Variants in SORCS3 observed in about 807,000 individuals in gnomAD.
SORCS3 encodes the protein VPS10 domain-containing receptor SorCS3.
SORCS3 carries 57 observed loss-of-function variants against 146.3 expected under a neutral mutation model. The observed-to-expected ratio is 0.39, with a 90% confidence interval of 0.31 to 0.49. The LOEUF is 0.49. SORCS3 is among the 20% of genes least tolerant of loss of function. SORCS3 has a pLI of 0.92. For missense variants in SORCS3, 1,341 were observed against 1,575.5 expected (o/e 0.85, Z 2.52); for synonymous variants, 653 against 618.5 (o/e 1.06, Z -0.83).
chr10:104,914,048 C>T (rs540956792), intron 2 of SORCS3, among the ~76,000 whole-genome samples: 20 of 152,140 alleles, frequency 1.3e-4, no homozygotes, highest in East Asian at 7.7e-4. Flanking sequence ...GGATTACAGG[C>T]GTGCGTCACC....
intron 2 of SORCS3, among the ~76,000 whole-genome samples, chr10:104,849,892 A>G (rs1321387335): frequency 1.3e-5 from 2 of 152,130 alleles, no homozygotes; most frequent in Non-Finnish European, 2.9e-5. Flanking sequence ...CTTGAGAGAG[A>G]ATATTCCTGT....
At chr10:104,719,458 T>A (rs2016518142) in intron 1 of SORCS3, among the ~76,000 whole-genome samples, 1 of 152,208 alleles carries the variant, frequency 6.6e-6, no homozygotes, top group South Asian at 2.1e-4. Flanking sequence ...CTGAAAGAAT[T>A]CCTCGACTTC....
At chr10:104,644,648 T>C (rs2015469805) in intron 1 of SORCS3, among the ~76,000 whole-genome samples, 1 of 152,218 alleles carries the variant, frequency 6.6e-6, no homozygotes, top group African/African-American at 2.4e-5. Flanking sequence ...ACAGAGAACA[T>C]GGGGCCTAGC....
rs548429275 is a variant in SORCS3, at chr10:105,240,173, A to G, written c.2869-5369A>G. Among the ~76,000 whole-genome samples, 3 of 152,178 alleles carry G rather than the reference A, an allele frequency of 2.0e-5. No individual in the cohort carries two copies. In the South Asian group the frequency reaches 6.2e-4, roughly 32 times the overall value. ...GAAACAGCCAGATGGAGGAGACAAG[A>G]TCAAATCTGCTAGGACAGGAAGAAT... On this transcript the variant is annotated intron_variant, in intron 20 of 26. Transcript: ENST00000369701.
At chr10:104,709,766 T>C (rs1228851249) in intron 1 of SORCS3, among the ~76,000 whole-genome samples, 6 of 152,222 alleles carry the variant, frequency 3.9e-5, no homozygotes, top group Non-Finnish European at 7.3e-5. Context: ...CATTTTGGGA[T>C]ACAATTAATG....
intron 3 of SORCS3, among the ~76,000 whole-genome samples, chr10:104,952,474 G>A (rs1372898108): frequency 6.6e-6 from 1 of 152,022 alleles, no homozygotes; most frequent in Non-Finnish European, 1.5e-5. Flanking sequence ...GGTGATTCAT[G>A]AGCATATTAA....
intron 1 of SORCS3, among the ~76,000 whole-genome samples, chr10:104,813,020 A>G (rs1252842356): frequency 6.6e-6 from 1 of 152,200 alleles, no homozygotes; most frequent in African/African-American, 2.4e-5. Context: ...TAGTTCCAAA[A>G]TCATCTTAGG....
intron 14 of SORCS3, among the ~76,000 whole-genome samples, chr10:105,178,375 C>T (rs537925968): frequency 2.0e-5 from 3 of 152,214 alleles, no homozygotes; most frequent in Non-Finnish European, 4.4e-5. Context: ...AGGCTAGGGT[C>T]CTAATTGAAC....
intron 1 of SORCS3, among the ~76,000 whole-genome samples, chr10:104,814,873 A>G (rs1259357800): frequency 6.6e-6 from 1 of 152,198 alleles, no homozygotes; most frequent in East Asian, 1.9e-4. Context: ...GTCTTCTCAC[A>G]TTATTATATA....
intron 3 of SORCS3, among the ~76,000 whole-genome samples, chr10:104,972,711 C>A (rs1474044627): frequency 6.6e-6 from 1 of 151,932 alleles, no homozygotes; most frequent in Non-Finnish European, 1.5e-5. Context: ...AAAAAATGTT[C>A]CCGGAACTTC....
intron 1 of SORCS3, among the ~76,000 whole-genome samples, chr10:104,784,762 A>T (rs2017412625): frequency 1.3e-5 from 2 of 152,214 alleles, no homozygotes; most frequent in East Asian, 1.9e-4. Flanking sequence ...GCACCATTAT[A>T]GGAGGAACCT....
intron 9 of SORCS3, among the ~76,000 whole-genome samples, chr10:105,154,186 CT>C (rs2056189332): frequency 6.6e-6 from 1 of 152,024 alleles, no homozygotes; most frequent in Non-Finnish European, 1.5e-5. Context: ...CTTCCCTCTG[CT>C]TTATCAGGAC....
intron 5 of SORCS3, among the ~76,000 whole-genome samples, chr10:105,064,781 C>G (rs1221031814): frequency 6.8e-6 from 1 of 148,028 alleles, no homozygotes; most frequent in Admixed American, 6.7e-5. Flanking sequence ...TTTGTTCTCT[C>G]CAGGCCCCCA....
intron 3 of SORCS3, among the ~76,000 whole-genome samples, chr10:104,948,945 A>G (rs1333888950): frequency 6.6e-6 from 1 of 152,224 alleles, no homozygotes; most frequent in African/African-American, 2.4e-5. Flanking sequence ...AATTAATGCT[A>G]CAGTAGCCCA....
intron 5 of SORCS3, among the ~76,000 whole-genome samples, chr10:105,044,543 T>C: frequency 6.6e-6 from 1 of 152,178 alleles, no homozygotes; most frequent in East Asian, 1.9e-4. Flanking sequence ...GTGTTGAAGA[T>C]GGTGGTAACA....
At chr10:104,805,798 GT>G (rs1470535308) in intron 1 of SORCS3, among the ~76,000 whole-genome samples, 1 of 151,978 alleles carries the variant, frequency 6.6e-6, no homozygotes, top group African/African-American at 2.4e-5. Context: ...GTGGTTCCAG[GT>G]TTCCTCTCTT....
intron 3 of SORCS3, among the ~76,000 whole-genome samples, chr10:104,923,262 A>G (rs1325078330): frequency 6.6e-6 from 1 of 152,084 alleles, no homozygotes; most frequent in Admixed American, 6.5e-5. Context: ...GGCTCATTGG[A>G]TAGCCAGTTG....
intron 2 of SORCS3, among the ~76,000 whole-genome samples, chr10:104,852,575 T>G (rs1041485568): frequency 6.6e-6 from 1 of 152,194 alleles, no homozygotes; most frequent in East Asian, 1.9e-4. Flanking sequence ...AGAACTCCCC[T>G]CTTGATTCTG....
intron 4 of SORCS3, among the ~76,000 whole-genome samples, chr10:105,016,155 A>ATATATATTTTTTTTTTTTTTTT (rs71482443): frequency 9.9e-6 from 1 of 101,344 alleles, no homozygotes; most frequent in Non-Finnish European, 1.9e-5. Context: ...ATATATATAT[A>ATATATATTTTTTTTTTTTTTTT]TTTTTTTTTT....
Sources: allele counts gnomAD v4.1 joint callset (sites outside exome capture counted in the v4.1 genomes callset), GRCh38; gene constraint gnomAD v4.1.1; transcripts MANE v1.5; gene names NCBI Gene and HGNC (gene_info 2026-07-23, HGNC 2026-07-21).